Variants in TRIM24 observed in about 807,000 individuals in gnomAD.
TRIM24 encodes transcription intermediary factor 1-alpha.
Under a neutral mutation model 123.9 loss-of-function variants are expected in TRIM24, and 29 were observed. That is an observed-to-expected ratio of 0.23 (90% CI 0.17 to 0.32). TRIM24 has a LOEUF of 0.32. Ranked by LOEUF, TRIM24 falls within the 10% of genes least tolerant of loss-of-function variation. The pLI is 1.00. For synonymous variants in TRIM24, 456 were observed against 461.1 expected (o/e 0.99, Z 0.14); for missense variants, 932 against 1,295.3 (o/e 0.72, Z 4.31).
chr7:138,516,594 A>T (rs1443673550), intron 3 of TRIM24, among the ~76,000 whole-genome samples: 1 of 152,086 alleles, frequency 6.6e-6, no homozygotes, highest in Non-Finnish European at 1.5e-5. Context: ...ACCTCAAGTA[A>T]TCCGCCAGCC....
At chr7:138,494,791 T>G (rs1262638564) in intron 1 of TRIM24, among the ~76,000 whole-genome samples, 1 of 152,126 alleles carries the variant, frequency 6.6e-6, no homozygotes, top group African/African-American at 2.4e-5. Flanking sequence ...AAATTGCAGG[T>G]TTTTTTATCC....
chr7:138,553,742 A>G (rs1166629267), intron 8 of TRIM24, among the ~76,000 whole-genome samples: 1 of 152,212 alleles, frequency 6.6e-6, no homozygotes, highest in Non-Finnish European at 1.5e-5. Context: ...GATATATGAC[A>G]GCAGTTCTCA....
At chr7:138,545,098 A>T (rs893301103) in intron 7 of TRIM24, among the ~76,000 whole-genome samples, 1 of 152,208 alleles carries the variant, frequency 6.6e-6, no homozygotes, top group Non-Finnish European at 1.5e-5. Context: ...AATGAATTTC[A>T]TGTTTAGACT....
chr7:138,584,015 G>T lies in TRIM24; in HGVS notation c.2943+16G>T, dbSNP rs1263205161. On this transcript the variant is annotated intron_variant, in intron 18 of 18. Coordinates refer to ENST00000343526, the MANE Select transcript of TRIM24 (RefSeq NM_015905.3). ...ATTCAATGAGGTGAGGCTAGGGGAG[G>T]GAAGGGGGCAGGAAGGAACAGCAGT... 5 of 1,592,558 alleles carry T rather than the reference G, an allele frequency of 3.1e-6. No individual in the cohort carries two copies. Among genetic ancestry groups the T allele is most frequent in the Non-Finnish European group, 4.3e-6 (5 of 1,174,204 alleles).
In TRIM24 at chr7:138,584,976, G is replaced by A. The variant is rs1480830149; in HGVS notation, c.*25G>A. ...ATATGCAGCACCACTAGCTTGTGCT[G>A]GTTTTTAGATTTTTTTGTTTTCAAA... On this transcript the variant is annotated 3_prime_UTR_variant, in exon 19 of 19. Coordinates refer to ENST00000343526, the MANE Select transcript of TRIM24 (RefSeq NM_015905.3). 4 of 1,549,218 alleles carry A rather than the reference G, an allele frequency of 2.6e-6. No homozygotes were observed. In the Admixed American group the frequency reaches 8.7e-5, roughly 34 times the overall value.
intron 11 of TRIM24, among the ~76,000 whole-genome samples, chr7:138,571,418 T>TA (rs1429727548): frequency 6.6e-6 from 1 of 152,102 alleles, no homozygotes; most frequent in Admixed American, 6.5e-5. Flanking sequence ...GTAGTAAAAA[T>TA]AAAAAGATTA....
intron 1 of TRIM24, among the ~76,000 whole-genome samples, chr7:138,471,022 T>C (rs969242643): frequency 6.6e-6 from 1 of 152,156 alleles, no homozygotes; most frequent in Non-Finnish European, 1.5e-5. Flanking sequence ...TCTTATCAGT[T>C]TTATTGTGAG....
chr7:138,523,622 G>A, intron 4 of TRIM24, among the ~76,000 whole-genome samples: 1 of 152,058 alleles, frequency 6.6e-6, no homozygotes. Flanking sequence ...AGGCGTGGTG[G>A]TGGGTATAGT....
intron 15 of TRIM24, 108 bp from the exon 16 acceptor site, chr7:138,580,454 C>T: frequency 7.2e-7 from 1 of 1,389,106 alleles, no homozygotes; most frequent in Non-Finnish European, 9.7e-7. Flanking sequence ...AAATTCATGC[C>T]AAATGAACAA....
In TRIM24 at chr7:138,488,187, A is replaced by T. The variant is rs562618395; in HGVS notation, c.365-16103A>T. 6.6e-5 allele frequency among the ~76,000 whole-genome samples: 10 copies of T among 150,914 alleles called. No homozygotes were observed. In the South Asian group the frequency reaches 2.1e-3, roughly 32 times the overall value. ...TTGTATTTCTGTGGGATCGGTGGTG[A>T]TATCCCCTTTGTCATTTTTTATTGC... On this transcript the variant is annotated intron_variant, in intron 1 of 18. Coordinates refer to ENST00000343526, the MANE Select transcript of TRIM24 (RefSeq NM_015905.3).
chr7:138,549,127 C>G (rs1362605000), intron 7 of TRIM24, among the ~76,000 whole-genome samples: 2 of 152,182 alleles, frequency 1.3e-5, no homozygotes. Flanking sequence ...ACCAGTATCA[C>G]CATAAACACT....
rs1416869010 is a variant in TRIM24 at position 138,589,154 on chromosome 7, T to C, written c.*4203T>C. The C allele has an allele frequency of 6.6e-6, 1 of 152,240 alleles. No individual in the cohort carries two copies. The highest frequency in any genetic ancestry group is 2.4e-5 in the African/African-American group (1 of 41,468). 9.4% of individuals were successfully genotyped at this position (152,240 alleles called of 1,614,324 possible). ...AATAGTTGATGTCTTTTTATAAATG[T>C]TTATTGCATATTCATCTTGAATGTG... is the stretch of plus-strand genomic sequence containing the variant. On this transcript the variant is annotated 3_prime_UTR_variant, in exon 19 of 19. Coordinates refer to ENST00000343526, the MANE Select transcript of TRIM24 (RefSeq NM_015905.3).
chr7:138,506,431 T>C (rs1796151964), intron 2 of TRIM24, among the ~76,000 whole-genome samples: 1 of 152,242 alleles, frequency 6.6e-6, no homozygotes, highest in Non-Finnish European at 1.5e-5. Flanking sequence ...ATTCTAGATA[T>C]TCATTAGTCA....
At chr7:138,556,425 GA>G (rs1797317781) in intron 9 of TRIM24, 1 of 152,072 alleles carries the variant, frequency 6.6e-6, no homozygotes, top group Admixed American at 6.6e-5. Flanking sequence ...CCAAAAATAG[GA>G]AGAATAAAAA....
At chr7:138,487,801 A>G (rs886806092) in intron 1 of TRIM24, among the ~76,000 whole-genome samples, 3 of 152,194 alleles carry the variant, frequency 2.0e-5, no homozygotes, top group South Asian at 4.2e-4. Context: ...TTGGTCTAAA[A>G]TTCTCTTTTT....
At chr7:138,583,274 GA>G (rs899668226) in intron 17 of TRIM24, among the ~76,000 whole-genome samples, 62 of 152,184 alleles carry the variant, frequency 4.1e-4, no homozygotes, top group African/African-American at 9.6e-4. Context: ...TAATAATGAA[GA>G]AAAAAATCTA....
At chr7:138,548,432 A>G (rs1797144292) in intron 7 of TRIM24, among the ~76,000 whole-genome samples, 1 of 151,682 alleles carries the variant, frequency 6.6e-6, no homozygotes, top group African/African-American at 2.4e-5. Flanking sequence ...AAAAAAAAAC[A>G]GTATACCTGT....
At chr7:138,567,198 C>A (rs553144605) in intron 9 of TRIM24, among the ~76,000 whole-genome samples, 1 of 152,224 alleles carries the variant, frequency 6.6e-6, no homozygotes, top group Admixed American at 6.5e-5. Flanking sequence ...TTATTTACTT[C>A]CCAACATGGC....
rs940063341 is a variant in TRIM24, at chr7:138,573,789, A to C, written c.2014+147A>C. ...AATTAGTATGCTTTCAGAGAAAACA[A>C]AGGTTAAATTTCTTTATCCTTTCTT... is the stretch of plus-strand genomic sequence containing the variant. On this transcript the variant is annotated intron_variant, in intron 12 of 18. Coordinates refer to ENST00000343526, the MANE Select transcript of TRIM24 (RefSeq NM_015905.3). 3 of 993,322 alleles carry C rather than the reference A, an allele frequency of 3.0e-6. No individual in the cohort carries two copies. The African/African-American group carries it at 4.9e-5, about 16-fold the overall frequency. 61.5% of individuals were successfully genotyped at this position (993,322 alleles called of 1,614,324 possible). A position where few individuals can be genotyped will look rare whatever the true frequency, so the allele number is the denominator to read the frequency against.
Sources: gnomAD v4.1 joint callset for allele counts (sites outside exome capture counted in the v4.1 genomes callset) on GRCh38, gnomAD v4.1.1 for gene constraint, MANE v1.5 for transcripts, NCBI Gene and HGNC (gene_info 2026-07-23, HGNC 2026-07-21) for gene names.